Variants in GABBR2 observed in about 807,000 individuals in gnomAD.
GABBR2 encodes G-protein coupled receptor 51.
GABBR2 carries 23 observed loss-of-function variants against 105.6 expected under a neutral mutation model. The ratio of observed to expected loss-of-function variants is 0.22; its 90% CI spans 0.16 to 0.31. The LOEUF is 0.31. Ranked by LOEUF, GABBR2 falls within the 10% of genes least tolerant of loss-of-function variation. The pLI is 1.00. For missense variants in GABBR2, 734 were observed against 1,245.5 expected (o/e 0.59, Z 6.18); for synonymous variants, 478 against 499.7 (o/e 0.96, Z 0.58).
intron 2 of GABBR2, among the ~76,000 whole-genome samples, chr9:98,558,856 T>C (rs570950257): frequency 1.3e-5 from 2 of 152,370 alleles, no homozygotes; most frequent in African/African-American, 4.8e-5. Flanking sequence ...ATGCTGCTGA[T>C]AGGGTATCTC....
intron 2 of GABBR2, among the ~76,000 whole-genome samples, chr9:98,577,228 A>ATGGATGGATGGATGGATGGATGGTTAGGC (rs769775744): frequency 4.0e-5 from 6 of 151,118 alleles, no homozygotes; most frequent in Non-Finnish European, 7.4e-5. Context: ...GGATGGATGG[A>ATGGATGGATGGATGGATGGATGGTTAGGC]GCAAAAAAGT....
At chr9:98,679,139 T>A (rs988598738) in intron 1 of GABBR2, among the ~76,000 whole-genome samples, 1 of 152,118 alleles carries the variant, frequency 6.6e-6, no homozygotes, top group Non-Finnish European at 1.5e-5. Context: ...TAGACAAGAA[T>A]GTGGATGCTC....
At chr9:98,342,949 C>T (rs953747236) in intron 13 of GABBR2, among the ~76,000 whole-genome samples, 2 of 152,076 alleles carry the variant, frequency 1.3e-5, no homozygotes, top group Non-Finnish European at 2.9e-5. Flanking sequence ...GACTTTTTTT[C>T]CCCCCAGAGC....
At chr9:98,520,989 GC>G (rs1827853958) in intron 3 of GABBR2, among the ~76,000 whole-genome samples, 1 of 152,150 alleles carries the variant, frequency 6.6e-6, no homozygotes, top group South Asian at 2.1e-4. Flanking sequence ...TAAAAGGGGG[GC>G]CATGGAACAG....
intron 13 of GABBR2, among the ~76,000 whole-genome samples, chr9:98,331,293 C>G (rs55984744): frequency 0.041 from 6,248 of 151,046 alleles, 430 homozygotes; most frequent in African/African-American, 0.14. Flanking sequence ...AATAGTAACT[C>G]TGTTTAACGT....
rs796720120 is a variant in GABBR2 at position 98,393,029 on chromosome 9, C to CCCAACCATCCATCCAT, written c.1378+1145_1378+1146insATGGATGGATGGTTGG. Among the ~76,000 whole-genome samples the CCCAACCATCCATCCAT allele has an allele frequency of 5.7e-3, 706 of 123,054 alleles. 7 individuals are homozygous for CCCAACCATCCATCCAT. The highest frequency in any genetic ancestry group is 0.016 in the African/African-American group (490 of 30,386). The allele number at this position is 123,054 out of a possible 152,430, so 80.7% of individuals were successfully genotyped here. ...ATTCACACACCCATCCATGCATCCA[C>CCCAACCATCCATCCAT]CCATCCATCCATCCATCCATCCATC... is the stretch of plus-strand genomic sequence containing the variant. On this transcript the variant is annotated intron_variant, in intron 9 of 18. Coordinates refer to ENST00000259455, the MANE Select transcript of GABBR2 (RefSeq NM_005458.8).
chr9:98,525,111 T>A (rs73488475), intron 3 of GABBR2, among the ~76,000 whole-genome samples: 6,540 of 152,244 alleles, frequency 0.043, 494 homozygotes, highest in African/African-American at 0.15. Flanking sequence ...GACAATGGTC[T>A]CTTAAATATG....
chr9:98,316,339 A>G (rs2131369156), intron 13 of GABBR2, among the ~76,000 whole-genome samples: 1 of 152,084 alleles, frequency 6.6e-6, no homozygotes, highest in South Asian at 2.1e-4. Context: ...TTTATTAGAG[A>G]CGGGGTTTCT....
At chr9:98,309,141 T>C (rs1564010918) in intron 14 of GABBR2, among the ~76,000 whole-genome samples, 1 of 152,196 alleles carries the variant, frequency 6.6e-6, no homozygotes, top group African/African-American at 2.4e-5. Flanking sequence ...GGACAGTTCC[T>C]TGCATGTTCT....
intron 1 of GABBR2, chr9:98,607,170 C>T: frequency 1.9e-6 from 3 of 1,609,334 alleles, no homozygotes; most frequent in South Asian, 2.2e-5. Context: ...ATAGTTGATA[C>T]CCCAGGATTT....
intron 11 of GABBR2, among the ~76,000 whole-genome samples, chr9:98,374,687 C>T (rs1321626023): frequency 2.0e-5 from 3 of 152,164 alleles, no homozygotes; most frequent in East Asian, 3.8e-4. Flanking sequence ...CACATGTGGT[C>T]GCTACTCATT....
intron 16 of GABBR2, among the ~76,000 whole-genome samples, chr9:98,300,481 G>A (rs1420048991): frequency 1.3e-5 from 2 of 152,180 alleles, no homozygotes; most frequent in East Asian, 3.9e-4. Context: ...TGCAAGTCCT[G>A]GGGGCAATTC....
At chr9:98,603,455 C>G (rs1829370573) in intron 1 of GABBR2, among the ~76,000 whole-genome samples, 2 of 152,206 alleles carry the variant, frequency 1.3e-5, no homozygotes, top group East Asian at 1.9e-4. Context: ...GATTTCTTAT[C>G]CAGTTTCCCC....
chr9:98,638,212 A>C (rs1256241217), intron 1 of GABBR2, among the ~76,000 whole-genome samples: 18 of 152,226 alleles, frequency 1.2e-4, no homozygotes, highest in Non-Finnish European at 2.9e-5. Flanking sequence ...CCAGAACAAA[A>C]TACATAATCA....
rs1018054069 is a variant in GABBR2, at chr9:98,388,663, G to A, written c.1529+191C>T. ...TGTGTGTGTGTGTGTGTGTGTGTGCGTGCACGCACACACACGTACTCACAT... is the reference window on the plus strand; with the variant it reads ...TGTGTGTGTGTGTGTGTGTGTGTGCATGCACGCACACACACGTACTCACAT... On this transcript the variant is annotated intron_variant, in intron 10 of 18. Transcript: ENST00000259455. The surrounding 1 kb of genome is among the most constrained non-coding windows in gnomAD (Gnocchi z 4.4). Among the ~76,000 whole-genome samples, 21 of 147,156 alleles carry A rather than the reference G, an allele frequency of 1.4e-4. No homozygotes were observed. The highest frequency in any genetic ancestry group is 4.1e-4 in the East Asian group (2 of 4,910).
rs546704563 is a variant in GABBR2 at position 98,684,247 on chromosome 9, A to AT, written c.321+24169dup. The stretch of plus-strand genomic sequence containing the variant: ...AACAGCAGCAGATGATCTGAAGTCT[A>AT]TTTTTTTTAAGTCTGATGAAATCAC... On this transcript the variant is annotated intron_variant, in intron 1 of 18. Transcript: ENST00000259455. Among the ~76,000 whole-genome samples, 472 of 147,200 alleles carry AT rather than the reference A, an allele frequency of 3.2e-3. 9 individuals carry two copies. In the East Asian group the frequency reaches 0.04, roughly 12 times the overall value.
chr9:98,314,947 T>C (rs1021591502), intron 13 of GABBR2, among the ~76,000 whole-genome samples: 1 of 152,232 alleles, frequency 6.6e-6, no homozygotes, highest in African/African-American at 2.4e-5. Context: ...TGGGTCTCCT[T>C]GGCTTTCTAT....
intron 7 of GABBR2, among the ~76,000 whole-genome samples, chr9:98,436,374 T>TACACACACACACC: frequency 2.3e-5 from 1 of 43,112 alleles, no homozygotes; most frequent in East Asian, 2.3e-3. Flanking sequence ...TATATATATA[T>TACACACACACACC]ATATATATAT....
At chr9:98,603,547 G>A (rs1166280943) in intron 1 of GABBR2, among the ~76,000 whole-genome samples, 1 of 151,958 alleles carries the variant, frequency 6.6e-6, no homozygotes, top group African/African-American at 2.4e-5. Context: ...CCAGCTCTAC[G>A]TTTGCTTTTT....
Sources: allele counts gnomAD v4.1 joint callset (sites outside exome capture counted in the v4.1 genomes callset), GRCh38; gene constraint gnomAD v4.1.1; non-coding constraint Gnocchi (gnomAD v3.1); transcripts MANE v1.5; gene names NCBI Gene and HGNC (gene_info 2026-07-23, HGNC 2026-07-21).